Variants in KCNAB1 observed in about 807,000 individuals in gnomAD.
KCNAB1 encodes voltage-gated potassium channel subunit beta-1.
A neutral mutation model predicts 64.6 loss-of-function variants in KCNAB1; 35 were observed. That is an observed-to-expected ratio of 0.54 (90% CI 0.41 to 0.72). The LOEUF is 0.72. Among genes scored for constraint, KCNAB1 ranks in the 30% least tolerant of loss-of-function variants. The pLI is 0.00. For synonymous variants in KCNAB1, 177 were observed against 183.8 expected (o/e 0.96, Z 0.30); for missense variants, 401 against 512.9 (o/e 0.78, Z 2.11).
intron 1 of KCNAB1, among the ~76,000 whole-genome samples, chr3:156,207,004 GACTGTAAATTTGCAGCTGTTGA>G (rs1714706516): frequency 6.6e-6 from 1 of 152,212 alleles, no homozygotes; most frequent in Admixed American, 6.5e-5. Flanking sequence ...GAAATTGAGG[GACTGTAAATTTGCAGCTGTTGA>G]AATAAAGTGT....
At chr3:156,433,725 A>C (rs147827726) in intron 2 of KCNAB1, among the ~76,000 whole-genome samples, 1 of 152,340 alleles carries the variant, frequency 6.6e-6, no homozygotes, top group East Asian at 1.9e-4. Flanking sequence ...GACAAGGGAA[A>C]GAAAGCCACA....
intron 1 of KCNAB1, among the ~76,000 whole-genome samples, chr3:156,404,174 T>G (rs115625485): frequency 0.011 from 1,706 of 152,318 alleles, 28 homozygotes; most frequent in African/African-American, 0.039. Flanking sequence ...AGTACCTTTT[T>G]TTGGCCTGAA....
chr3:156,381,859 A>T (rs1314189529), intron 1 of KCNAB1, among the ~76,000 whole-genome samples: 1 of 152,120 alleles, frequency 6.6e-6, no homozygotes, highest in African/African-American at 2.4e-5. Flanking sequence ...GGTTCCCAAG[A>T]CTCAACTGCC....
At chr3:156,166,389 CAG>C (rs2108317688) in intron 1 of KCNAB1, among the ~76,000 whole-genome samples, 1 of 152,206 alleles carries the variant, frequency 6.6e-6, no homozygotes, top group East Asian at 1.9e-4. Context: ...TGAAAACAAA[CAG>C]TAATATAAGG....
intron 1 of KCNAB1, among the ~76,000 whole-genome samples, chr3:156,403,366 C>T (rs1310779573): frequency 6.6e-6 from 1 of 152,192 alleles, no homozygotes; most frequent in Non-Finnish European, 1.5e-5. Context: ...GAGATTCCCA[C>T]AGAATTCTCT....
chr3:156,538,711 T>G (rs1719247754), downstream of KCNAB1: 1 of 152,196 alleles, frequency 6.6e-6, no homozygotes, highest in Non-Finnish European at 1.5e-5. Context: ...GCAATAATCA[T>G]CTAAATAAAA....
At chr3:156,453,636 T>G (rs56059225) in intron 3 of KCNAB1, among the ~76,000 whole-genome samples, 12,932 of 152,224 alleles carry the variant, frequency 0.085, 742 homozygotes, top group African/African-American at 0.16. Flanking sequence ...TTTTTATCAT[T>G]TCCTTTAAGG....
intron 1 of KCNAB1, among the ~76,000 whole-genome samples, chr3:156,180,117 A>G (rs1195715309): frequency 6.6e-6 from 1 of 152,228 alleles, no homozygotes; most frequent in African/African-American, 2.4e-5. Flanking sequence ...GTCAGAGGTC[A>G]CTCAGCCTAT....
At chr3:156,417,599 G>A (rs909926883) in intron 1 of KCNAB1, among the ~76,000 whole-genome samples, 3 of 152,100 alleles carry the variant, frequency 2.0e-5, no homozygotes, top group African/African-American at 4.8e-5. Flanking sequence ...TTTGGGTTAC[G>A]AATTTTCTGC....
chr3:156,218,786 CAA>C (rs1228783831), intron 1 of KCNAB1, among the ~76,000 whole-genome samples: 2 of 92,638 alleles, frequency 2.2e-5, no homozygotes, highest in African/African-American at 4.5e-5. Flanking sequence ...CCCAGAACAG[CAA>C]AAAAAAAAAA....
At chr3:156,199,677 ATGTTCTTTTCT>A (rs1714198897) in intron 1 of KCNAB1, among the ~76,000 whole-genome samples, 1 of 152,134 alleles carries the variant, frequency 6.6e-6, no homozygotes, top group Non-Finnish European at 1.5e-5. Context: ...CAGGTCATTT[ATGTTCTTTTCT>A]AAACCAGTTA....
chr3:156,437,995 C>G (rs1716704756), intron 2 of KCNAB1, among the ~76,000 whole-genome samples: 1 of 152,184 alleles, frequency 6.6e-6, no homozygotes, highest in African/African-American at 2.4e-5. Flanking sequence ...ATTACAGTCA[C>G]AGGGGGAGCT....
intron 1 of KCNAB1, among the ~76,000 whole-genome samples, chr3:156,165,314 A>G (rs1334652820): frequency 6.6e-6 from 1 of 151,540 alleles, no homozygotes; most frequent in East Asian, 1.9e-4. Flanking sequence ...AAGAAAGCAA[A>G]TAAGTGAGCA....
intron 8 of KCNAB1, among the ~76,000 whole-genome samples, chr3:156,496,409 C>A (rs926353069): frequency 6.6e-6 from 1 of 152,032 alleles, no homozygotes; most frequent in Non-Finnish European, 1.5e-5. Flanking sequence ...TTATAAAAGG[C>A]AGTTTCCCTG....
intron 8 of KCNAB1, among the ~76,000 whole-genome samples, chr3:156,489,124 A>T (rs938869479): frequency 1.8e-4 from 27 of 152,052 alleles, no homozygotes; most frequent in African/African-American, 6.5e-4. Context: ...CAAAGCTGAA[A>T]CTCCATCTTG....
At chr3:156,204,214 A>G (rs1020641663) in intron 1 of KCNAB1, among the ~76,000 whole-genome samples, 7 of 152,220 alleles carry the variant, frequency 4.6e-5, no homozygotes, top group Admixed American at 4.6e-4. Context: ...TCCAACCACT[A>G]TATTTACTGA....
intron 1 of KCNAB1, among the ~76,000 whole-genome samples, chr3:156,249,569 AAG>A (rs1717692481): frequency 6.6e-6 from 1 of 151,946 alleles, no homozygotes; most frequent in African/African-American, 2.4e-5. Flanking sequence ...CTAAAAAAAA[AAG>A]AAAAAAAAGA....
chr3:156,160,213 A>G (rs1715995114), intron 1 of KCNAB1, among the ~76,000 whole-genome samples: 1 of 152,238 alleles, frequency 6.6e-6, no homozygotes, highest in African/African-American at 2.4e-5. Flanking sequence ...AATAAGCACA[A>G]ATTTTAGAGA....
rs1277224971 is a variant in KCNAB1, at chr3:156,530,744, G to T, written c.1082-665G>T. Among the ~76,000 whole-genome samples the T allele has an allele frequency of 2.6e-5, 4 of 152,198 alleles. No individual in the cohort carries two copies. The East Asian group carries it at 7.7e-4, about 29-fold the overall frequency. ...GATGAATCTTGGGTTAGGAAGAAAG[G>T]GAGGTCCAGAGAGGGCTGCCAGGTA... On this transcript the variant is annotated intron_variant, in intron 12 of 13. Transcript: ENST00000490337.
Sources: gnomAD v4.1 joint callset for allele counts (sites outside exome capture counted in the v4.1 genomes callset) on GRCh38, gnomAD v4.1.1 for gene constraint, MANE v1.5 for transcripts, NCBI Gene and HGNC (gene_info 2026-07-23, HGNC 2026-07-21) for gene names.